Variants in ACSL1 observed in about 807,000 individuals in gnomAD.
The protein encoded by ACSL1 is acyl-CoA synthetase long chain family member 1.
Under a neutral mutation model 98.4 loss-of-function variants are expected in ACSL1, and 41 were observed. That is an observed-to-expected ratio of 0.42 (90% CI 0.32 to 0.54). The LOEUF is 0.54. Ranked by LOEUF, ACSL1 falls within the 20% of genes least tolerant of loss-of-function variation. The pLI, the probability that ACSL1 is intolerant of heterozygous loss-of-function variation, is 0.13. For synonymous variants in ACSL1, 316 were observed against 322.7 expected (o/e 0.98, Z 0.22); for missense variants, 734 against 883.1 (o/e 0.83, Z 2.14).
chr4:184,806,772 G>C (rs920415046), intron 1 of ACSL1, among the ~76,000 whole-genome samples: 1 of 152,128 alleles, frequency 6.6e-6, no homozygotes, highest in African/African-American at 2.4e-5. Context: ...CTAAGGGTTT[G>C]AATCCAGCCA....
At chr4:184,771,665 A>C (rs80004090) in intron 10 of ACSL1, among the ~76,000 whole-genome samples, 2,574 of 152,326 alleles carry the variant, frequency 0.017, 28 homozygotes, top group Middle Eastern at 0.034. Flanking sequence ...TGGCCAAAAC[A>C]GGGGGTGTGC....
intron 1 of ACSL1, among the ~76,000 whole-genome samples, chr4:184,821,530 T>C (rs1218640949): frequency 6.6e-6 from 1 of 152,266 alleles, no homozygotes; most frequent in Non-Finnish European, 1.5e-5. Flanking sequence ...TTTCAACTGC[T>C]TTTGACTAGA....
chr4:184,759,561 C>T (rs1300386782), intron 18 of ACSL1, among the ~76,000 whole-genome samples: 1 of 152,118 alleles, frequency 6.6e-6, no homozygotes, highest in East Asian at 1.9e-4. Context: ...GACATTTATG[C>T]AGCCAAAAGA....
At chr4:184,815,743 A>T (rs1236372903) in intron 1 of ACSL1, among the ~76,000 whole-genome samples, 2 of 152,140 alleles carry the variant, frequency 1.3e-5, no homozygotes, top group East Asian at 1.9e-4. Context: ...AGGGAGAAGA[A>T]GATCAGCCTC....
Position 184,825,509 on chromosome 4 carries a change from C to G in ACSL1, c.-33+407G>C, listed in dbSNP as rs915141067. ...AGCCCGGCCTCTGGGCAGGCGGGGG[C>G]CGCGGACGAGGGCAACGTCAGCGGC... is the stretch of plus-strand genomic sequence containing the variant. On this transcript the variant is annotated intron_variant, in intron 1 of 20. Coordinates refer to ENST00000281455, the MANE Select transcript of ACSL1 (RefSeq NM_001995.5). This position sits in a 1 kb window ranked among gnomAD's most constrained non-coding sequence, Gnocchi z 4.7. Among the ~76,000 whole-genome samples, 2 of 151,858 alleles carry G rather than the reference C, an allele frequency of 1.3e-5. No individual in the cohort carries two copies. Among genetic ancestry groups the G allele is most frequent in the Non-Finnish European group, 2.9e-5 (2 of 67,912 alleles).
chr4:184,791,771 G>A (rs1768413986), intron 2 of ACSL1, among the ~76,000 whole-genome samples: 1 of 152,212 alleles, frequency 6.6e-6, no homozygotes, highest in Non-Finnish European at 1.5e-5. Context: ...AAGGCACTGG[G>A]CGTGCTGCAG....
intron 2 of ACSL1, among the ~76,000 whole-genome samples, chr4:184,794,747 A>G (rs72695652): frequency 0.1 from 15,375 of 152,226 alleles, 952 homozygotes; most frequent in Non-Finnish European, 0.14. Context: ...AAACATGCCC[A>G]CACCTCCTTC....
intron 17 of ACSL1, among the ~76,000 whole-genome samples, chr4:184,761,878 G>T (rs1020368196): frequency 2.0e-5 from 3 of 152,178 alleles, no homozygotes; most frequent in Admixed American, 6.5e-5. Flanking sequence ...TGTAATCCCA[G>T]CACTTTGGGA....
chr4:184,785,288 C>A (rs541189719), intron 3 of ACSL1, among the ~76,000 whole-genome samples: 31 of 152,276 alleles, frequency 2.0e-4, no homozygotes, highest in South Asian at 4.1e-4. Context: ...TTCTACTATA[C>A]CCAGGCTCTA....
chr4:184,780,255 T>C lies in ACSL1; in HGVS notation c.477+77A>G, dbSNP rs562954838. Reference sequence around the variant, plus strand: ...TTAGTAGAAATCAGACTACAAAATCTGGTCTCTAGCAGAAGTTAGGCTCTT... The same window carrying C: ...TTAGTAGAAATCAGACTACAAAATCCGGTCTCTAGCAGAAGTTAGGCTCTT... On this transcript the variant is annotated intron_variant, in intron 5 of 20. Coordinates refer to ENST00000281455, the MANE Select transcript of ACSL1 (RefSeq NM_001995.5). 21 of 1,198,350 alleles carry C rather than the reference T, an allele frequency of 1.8e-5. No homozygotes were observed. The South Asian group carries it at 2.7e-4, about 15-fold the overall frequency. 74.2% of individuals were successfully genotyped at this position (1,198,350 alleles called of 1,614,324 possible).
rs946639668 is a variant in ACSL1 at position 184,825,522 on chromosome 4, C to T, written c.-33+394G>A. On this transcript the variant is annotated intron_variant, in intron 1 of 20. Coordinates refer to ENST00000281455, the MANE Select transcript of ACSL1 (RefSeq NM_001995.5). This position sits in a 1 kb window ranked among gnomAD's most constrained non-coding sequence, Gnocchi z 4.7. Reference sequence around the variant, plus strand: ...GGCAGGCGGGGGCCGCGGACGAGGGCAACGTCAGCGGCCCAGCTGGGCCAC... The same window carrying T: ...GGCAGGCGGGGGCCGCGGACGAGGGTAACGTCAGCGGCCCAGCTGGGCCAC... 2.6e-5 allele frequency among the ~76,000 whole-genome samples: 4 copies of T among 151,752 alleles called. No homozygotes were observed. Among genetic ancestry groups the T allele is most frequent in the African/African-American group, 9.7e-5 (4 of 41,374 alleles).
intron 1 of ACSL1, among the ~76,000 whole-genome samples, chr4:184,823,886 C>T (rs1452135552): frequency 6.6e-6 from 1 of 152,132 alleles, no homozygotes; most frequent in East Asian, 1.9e-4. Context: ...TTTCAGTTAG[C>T]CTAAACTTCA....
chr4:184,809,634 T>C (rs969491981), intron 1 of ACSL1, among the ~76,000 whole-genome samples: 8 of 144,830 alleles, frequency 5.5e-5, no homozygotes, highest in Admixed American at 6.7e-5. Context: ...CTACTAAAAA[T>C]ACAAAAAAAA....
chr4:184,770,081 A>G (rs572162601), intron 11 of ACSL1, among the ~76,000 whole-genome samples: 15 of 152,350 alleles, frequency 9.8e-5, no homozygotes, highest in Non-Finnish European at 1.9e-4. Flanking sequence ...TCATGTCCAC[A>G]TTAGTATCCT....
At chr4:184,760,648 AC>A in intron 17 of ACSL1, 148 bp from the exon 18 acceptor site, 1 of 1,238,376 alleles carries the variant, frequency 8.1e-7, no homozygotes, top group Non-Finnish European at 1.1e-6. Flanking sequence ...ATCCCATTTT[AC>A]AGAGAGGAAA....
chr4:184,772,751 G>A (rs530833479), intron 10 of ACSL1, among the ~76,000 whole-genome samples: 1 of 152,318 alleles, frequency 6.6e-6, no homozygotes, highest in Admixed American at 6.5e-5. Flanking sequence ...CAGGGACGCT[G>A]GATAAAAACA....
At chr4:184,765,822 G>T in intron 14 of ACSL1, 69 bp downstream of exon 14, 1 of 1,350,680 alleles carries the variant, frequency 7.4e-7, no homozygotes, top group Non-Finnish European at 1.0e-6. Flanking sequence ...CAGTACAGAT[G>T]ACTTTTGGTG....
chr4:184,788,295 T>C (rs944146167), intron 3 of ACSL1: 5 of 407,068 alleles, frequency 1.2e-5, no homozygotes, highest in African/African-American at 6.1e-5. Flanking sequence ...GCATGAAAAA[T>C]GCCGGATTGG....
At chr4:184,776,252 T>C (rs776535417) in intron 7 of ACSL1, among the ~76,000 whole-genome samples, 1 of 152,186 alleles carries the variant, frequency 6.6e-6, no homozygotes, top group Non-Finnish European at 1.5e-5. Flanking sequence ...CTGGAATAAA[T>C]ATTGGAGTGC....
Sources: allele counts gnomAD v4.1 joint callset (sites outside exome capture counted in the v4.1 genomes callset), GRCh38; gene constraint gnomAD v4.1.1; non-coding constraint Gnocchi (gnomAD v3.1); transcripts MANE v1.5; gene names NCBI Gene and HGNC (gene_info 2026-07-23, HGNC 2026-07-21).